PLD2: variants seen among roughly 807,000 people sequenced by gnomAD.
PLD2 encodes the protein phospholipase D2.
A neutral mutation model predicts 119.8 loss-of-function variants in PLD2; 101 were observed. The observed-to-expected ratio is 0.84, with a 90% CI of 0.72 to 0.99. PLD2 has a LOEUF of 0.99. Ranked by LOEUF, PLD2 falls within the 50% of genes least tolerant of loss-of-function variation. PLD2 has a pLI of 0.00. For synonymous variants in PLD2, 494 were observed against 482.8 expected (o/e 1.02, Z -0.30); for missense variants, 1,164 against 1,226.8 (o/e 0.95, Z 0.76).
In PLD2 at chr17:4,808,194, A is replaced by G; in HGVS notation, c.240+80A>G. The G allele has an allele frequency of 1.9e-5, 31 of 1,590,564 alleles. No individual in the cohort carries two copies. The highest frequency in any genetic ancestry group is 2.7e-5 in the Non-Finnish European group (31 of 1,164,382). Reference sequence around the variant, plus strand: ...AAGGTGGCTGGGCTGGCCCCAGGGAAGGGGCAAAAGGAGGGCTGGCCAGAG... The same window carrying G: ...AAGGTGGCTGGGCTGGCCCCAGGGAGGGGGCAAAAGGAGGGCTGGCCAGAG... On this transcript the variant is annotated intron_variant, in intron 3 of 24. Transcript: ENST00000263088. This position sits in a 1 kb window ranked among gnomAD's most constrained non-coding sequence, Gnocchi z 4.1.
intron 10 of PLD2, among the ~76,000 whole-genome samples, chr17:4,812,515 G>A (rs1324134536): frequency 6.6e-6 from 1 of 151,784 alleles, no homozygotes; most frequent in Non-Finnish European, 1.5e-5. Context: ...GGATGGTCTC[G>A]ATCTCCTGAC....
At chr17:4,817,980 C>T in intron 17 of PLD2, 22 bp from the exon 18 acceptor site, 5 of 1,506,488 alleles carry the variant, frequency 3.3e-6, no homozygotes, top group Non-Finnish European at 3.7e-6. Flanking sequence ...AAATGAAGCA[C>T]ATCGCATTCA....
rs1016678046 is a variant in PLD2, at chr17:4,821,191, C to T, written c.2463-602C>T. 8.0e-5 allele frequency among the ~76,000 whole-genome samples: 11 copies of T among 137,658 alleles called. No homozygotes were observed. The East Asian group carries it at 1.4e-3, about 17-fold the overall frequency. The allele number at this position is 137,658 out of a possible 152,430, so 90.3% of individuals were successfully genotyped here. A position where few individuals can be genotyped will look rare whatever the true frequency, so the allele number is the denominator to read the frequency against. Reference sequence around the variant, plus strand: ...TGCTGGGATTACAGGCATGAGCCACCGTGCCCGGCCAAAAAAAAAATCTTT... The same window carrying T: ...TGCTGGGATTACAGGCATGAGCCACTGTGCCCGGCCAAAAAAAAAATCTTT... On this transcript the variant is annotated intron_variant, in intron 23 of 24. Transcript: ENST00000263088.
chr17:4,811,604 G>C (rs1428821871), intron 10 of PLD2, among the ~76,000 whole-genome samples: 3 of 152,228 alleles, frequency 2.0e-5, no homozygotes, highest in East Asian at 1.9e-4. Context: ...TAAGCACCTA[G>C]CAGTGCTGGC....
rs1358068992 is a variant in PLD2 at position 4,818,351 on chromosome 17, G to A, written c.1975G>A (p.Asp659Asn). 1.2e-5 allele frequency: 20 copies of A among 1,614,024 alleles called. No individual in the cohort carries two copies. The highest frequency in any genetic ancestry group is 3.3e-5 in the South Asian group (3 of 91,088). ...DGRTVLNKVG[D>N]EIVDRILKAH... ...GCGGACGGTTCTGAACAAGGTGGGC[G>A]ATGAGATTGTGGACAGAATCCTGAA... Residue 659 changes from aspartate to asparagine, a missense_variant, in exon 19 of 25, where the codon GAT becomes AAT. By Grantham distance (23) the Asp-to-Asn change is conservative. Coordinates refer to ENST00000263088, the MANE Select transcript of PLD2 (RefSeq NM_002663.5).
intron 10 of PLD2, chr17:4,814,151 C>T (rs1018767437): frequency 8.8e-6 from 3 of 340,352 alleles, no homozygotes; most frequent in South Asian, 8.0e-5. Flanking sequence ...TTTTTCTTGT[C>T]GATTTATTGG....
chr17:4,815,187 A>G (rs543554142), intron 12 of PLD2, among the ~76,000 whole-genome samples: 112 of 152,170 alleles, frequency 7.4e-4, no homozygotes, highest in African/African-American at 2.2e-3. Flanking sequence ...GAGGGTAGGC[A>G]GGTAGATGGA....
chr17:4,822,711 C>T lies in PLD2; in HGVS notation c.2649C>T (p.Pro883=). 1 of 1,614,160 alleles carries T rather than the reference C, an allele frequency of 6.2e-7. No individual in the cohort carries two copies. The highest frequency in any genetic ancestry group is 1.1e-5 in the South Asian group (1 of 91,092). ...RTLREYVAVE[P]LATVSPPLAR... is the part of the protein sequence containing the mutation. ...TCCGGGAGTACGTGGCCGTGGAGCC[C>T]TTGGCCACGGTCAGTCCCCCCTTGG... is the stretch of plus-strand genomic sequence containing the variant. The change falls in exon 25 of 25, where the codon CCC becomes CCT. Residue 883 remains proline, a synonymous_variant. Transcript: ENST00000263088.
chr17:4,811,537 C>G (rs942654657), intron 10 of PLD2, among the ~76,000 whole-genome samples: 16 of 152,160 alleles, frequency 1.1e-4, no homozygotes, highest in Non-Finnish European at 1.5e-5. Context: ...CTCGGCCTCC[C>G]GAAGTGCTGG....
At chr17:4,820,868 G>A (rs1271304408) in intron 23 of PLD2, among the ~76,000 whole-genome samples, 5 of 146,508 alleles carry the variant, frequency 3.4e-5, no homozygotes, top group Non-Finnish European at 6.0e-5. Context: ...GAGCCACCAC[G>A]CCCGGCCAAA....
rs762633745 is a variant in PLD2, at chr17:4,821,882, A to G, written c.2552A>G (p.Glu851Gly). Residue 851 changes from glutamate (E) to glycine (G), a missense_variant, in exon 24 of 25, where the codon GAG becomes GGG. Physicochemically the swap from Glu to Gly is moderately conservative, Grantham distance 98. Coordinates refer to ENST00000263088, the MANE Select transcript of PLD2 (RefSeq NM_002663.5). ...DFFQLWQDMAESNANIYEQIF... is the reference protein window; with the variant it reads ...DFFQLWQDMAGSNANIYEQIF... The stretch of plus-strand genomic sequence containing the variant: ...TTCCAGTTGTGGCAAGACATGGCTG[A>G]GAGCAACGCCAATATCTATGAGCAG... The G allele has an allele frequency of 6.8e-6, 11 of 1,613,368 alleles. No individual in the cohort carries two copies. The highest frequency in any genetic ancestry group is 9.3e-6 in the Non-Finnish European group (11 of 1,179,526).
At chr17:4,815,232 T>C (rs375468676) in intron 12 of PLD2, among the ~76,000 whole-genome samples, 10 of 151,826 alleles carry the variant, frequency 6.6e-5, no homozygotes, top group East Asian at 5.8e-4. Context: ...GATGAGTAAA[T>C]GCTTGGGAAG....
At position 4,819,784 on chromosome 17, in the gene PLD2, G is replaced by A. The variant is rs1907455829; in HGVS notation, c.2462+202G>A. On this transcript the variant is annotated intron_variant, in intron 23 of 24. Coordinates refer to ENST00000263088, the MANE Select transcript of PLD2 (RefSeq NM_002663.5). The surrounding 1 kb of genome is among the most constrained non-coding windows in gnomAD (Gnocchi z 4.2). ...AGGCCAAGGCGGGTGGATTGCCTGA[G>A]GTCAGGATTTTGAGACCAGCCTGGC... Among the ~76,000 whole-genome samples the A allele has an allele frequency of 6.6e-6, 1 of 151,852 alleles. No homozygotes were observed. Among genetic ancestry groups the A allele is most frequent in the Admixed American group, 6.6e-5 (1 of 15,148 alleles).
intron 10 of PLD2, chr17:4,814,036 G>A (rs919515802): frequency 5.1e-5 from 10 of 195,384 alleles, no homozygotes; most frequent in Admixed American, 1.2e-4. Flanking sequence ...TTTTAATTTC[G>A]TTGTTTACTA....
In PLD2 at chr17:4,815,848, G is replaced by A. The variant is rs772730141; in HGVS notation, c.1369G>A (p.Gly457Arg). 1 of 1,614,088 alleles carries A rather than the reference G, an allele frequency of 6.2e-7. No individual in the cohort carries two copies. The highest frequency in any genetic ancestry group is 8.5e-7 in the Non-Finnish European group (1 of 1,179,996). Residue 457 changes from glycine to arginine, a missense_variant, in exon 14 of 25, where the codon GGA becomes AGA. Coordinates refer to ENST00000263088, the MANE Select transcript of PLD2 (RefSeq NM_002663.5). The stretch of plus-strand genomic sequence containing the variant: ...GGACCAAGTGGTAGCATTCCTGGGG[G>A]GACTGGACCTTGCCTATGGCCGCTG... ...VVDQVVAFLG[G>R]LDLAYGRWDD...
chr17:4,815,613 C>T (rs1282466984), intron 13 of PLD2, 27 bp downstream of exon 13: 2 of 1,585,076 alleles, frequency 1.3e-6, no homozygotes, highest in South Asian at 1.1e-5. Flanking sequence ...GAGACCCTCC[C>T]ACATGACAGC....
At chr17:4,820,981 C>T (rs1214544969) in intron 23 of PLD2, among the ~76,000 whole-genome samples, 1 of 150,510 alleles carries the variant, frequency 6.6e-6, no homozygotes, top group African/African-American at 2.4e-5. Flanking sequence ...CGGCTCACTG[C>T]AAGCTCCGCC....
In PLD2 at chr17:4,808,505, C is replaced by G; in HGVS notation, c.383+89C>G. 1 of 1,311,354 alleles carries G rather than the reference C, an allele frequency of 7.6e-7. No individual in the cohort carries two copies. The highest frequency in any genetic ancestry group is 1.3e-5 in the South Asian group (1 of 76,628). 81.2% of individuals were successfully genotyped at this position (1,311,354 alleles called of 1,614,324 possible). On this transcript the variant is annotated intron_variant, in intron 4 of 24. Transcript: ENST00000263088. This position sits in a 1 kb window ranked among gnomAD's most constrained non-coding sequence, Gnocchi z 4.1. ...TCACCCCGGGGCCACAACCTTTCCT[C>G]CCTGCAACTCTGGCCACTGTGCTGC... is the stretch of plus-strand genomic sequence containing the variant.
In PLD2 at chr17:4,819,088, G is replaced by A. The variant is rs771774079; in HGVS notation, c.2178G>A (p.Gly726=). 1.2e-6 allele frequency: 2 copies of A among 1,614,172 alleles called. No homozygotes were observed. The highest frequency in any genetic ancestry group is 1.1e-5 in the South Asian group (1 of 91,082). The change falls in exon 22 of 25, where the codon GGG becomes GGA. Residue 726 remains glycine, a synonymous_variant. Coordinates refer to ENST00000263088, the MANE Select transcript of PLD2 (RefSeq NM_002663.5). This position sits in a 1 kb window ranked among gnomAD's most constrained non-coding sequence, Gnocchi z 4.2. ...ACTTCCCCTCCTGTCACGCAGTGGG[G>A]ACAGCATGGCGGGACTATATTTCCA... ...SILHRLKAAM[G]TAWRDYISIC...
Sources: gnomAD v4.1 joint callset for allele counts (sites outside exome capture counted in the v4.1 genomes callset) on GRCh38, gnomAD v4.1.1 for gene constraint, Gnocchi (gnomAD v3.1) non-coding constraint, MANE v1.5 for transcripts, NCBI Gene and HGNC (gene_info 2026-07-23, HGNC 2026-07-21) for gene names.